The following ANK3 variants were observed in gnomAD, a reference collection of about 807,000 sequenced individuals.
The protein encoded by ANK3 is ankyrin-3.
A neutral mutation model predicts 370.9 loss-of-function variants in ANK3; 57 were observed. The observed-to-expected ratio is 0.15, with a 90% CI of 0.12 to 0.19. The LOEUF is 0.19. Among genes scored for constraint, ANK3 ranks in the 10% least tolerant of loss-of-function variants. ANK3 has a pLI of 1.00. For missense variants in ANK3, 4,439 were observed against 5,302.1 expected (o/e 0.84, Z 5.06); for synonymous variants, 1,929 against 1,946.3 (o/e 0.99, Z 0.23).
intron 2 of ANK3, among the ~76,000 whole-genome samples, chr10:60,399,064 C>A (rs530085130): frequency 6.6e-6 from 1 of 152,044 alleles, no homozygotes; most frequent in Admixed American, 6.6e-5. Flanking sequence ...TATGGGGTAT[C>A]GCCTATGTAT....
chr10:60,732,842 G>A (rs1476281807), intron 1 of ANK3, among the ~76,000 whole-genome samples: 2 of 151,992 alleles, frequency 1.3e-5, no homozygotes, highest in African/African-American at 2.4e-5. Flanking sequence ...CGTGTCCTTA[G>A]GAAAGGTTCA....
At chr10:60,441,308 G>C (rs1567043410) in intron 2 of ANK3, among the ~76,000 whole-genome samples, 1 of 152,090 alleles carries the variant, frequency 6.6e-6, no homozygotes, top group African/African-American at 2.4e-5. Flanking sequence ...GCAATTTCTT[G>C]AGATTTAGAA....
At chr10:60,610,918 TGTGGCTA>T (rs2078192426) in intron 2 of ANK3, among the ~76,000 whole-genome samples, 1 of 152,148 alleles carries the variant, frequency 6.6e-6, no homozygotes, top group Admixed American at 6.6e-5. Flanking sequence ...ATAAACAGCT[TGTGGCTA>T]TGCATCTTTC....
At chr10:60,042,813 A>G in intron 42 of ANK3, 54 bp from the exon 43 acceptor site, 1 of 1,461,866 alleles carries the variant, frequency 6.8e-7, no homozygotes. Context: ...GTTAGTTATA[A>G]AGCAGTCCAT....
At chr10:60,252,399 C>T (rs2097682469) in intron 7 of ANK3, among the ~76,000 whole-genome samples, 1 of 152,152 alleles carries the variant, frequency 6.6e-6, no homozygotes, top group Non-Finnish European at 1.5e-5. Flanking sequence ...GTTATTTTCA[C>T]TGAATGGGGG....
In ANK3 at chr10:60,098,557, C is replaced by G. The variant is rs569600420; in HGVS notation, c.3328+7348G>C. On this transcript the variant is annotated intron_variant, in intron 28 of 43. Transcript: ENST00000280772. The stretch of plus-strand genomic sequence containing the variant: ...TAAAGTTCAGCTCCATCAAAATACA[C>G]AAATTTCATAATAAGTTCACATAAG... Among the ~76,000 whole-genome samples the G allele has an allele frequency of 7.9e-5, 12 of 152,236 alleles. No homozygotes were observed. The South Asian group carries it at 2.3e-3, about 29-fold the overall frequency.
chr10:60,608,021 G>A (rs896883977), intron 2 of ANK3, among the ~76,000 whole-genome samples: 1 of 152,156 alleles, frequency 6.6e-6, no homozygotes, highest in African/African-American at 2.4e-5. Context: ...TTATCCAGAT[G>A]TATCAGCAGG....
At chr10:60,328,266 G>A (rs2050361093) in intron 1 of ANK3, among the ~76,000 whole-genome samples, 1 of 152,172 alleles carries the variant, frequency 6.6e-6, no homozygotes. Context: ...ATTGAATTAT[G>A]TAGGCTTATG....
chr10:60,605,537 G>C lies in ANK3; in HGVS notation c.96+9649C>G, dbSNP rs142227469. On this transcript the variant is annotated intron_variant, in intron 2 of 43. Coordinates refer to the ANK3 transcript ENST00000373827. The stretch of plus-strand genomic sequence containing the variant: ...ACTAGTTTTAGTTTCTCTATACTTA[G>C]TTATAGATTCTATCCATTAGTTACA... Among the ~76,000 whole-genome samples the C allele has an allele frequency of 2.6e-3, 395 of 152,294 alleles. 2 individuals are homozygous for C. Among genetic ancestry groups the C allele is most frequent in the African/African-American group, 8.9e-3 (371 of 41,578 alleles).
chr10:60,039,843 C>A (rs1564553171), intron 43 of ANK3, among the ~76,000 whole-genome samples: 1 of 152,036 alleles, frequency 6.6e-6, no homozygotes, highest in Non-Finnish European at 1.5e-5. Flanking sequence ...TGTTATTATT[C>A]TTTGTAAATA....
intron 25 of ANK3, among the ~76,000 whole-genome samples, chr10:60,121,245 C>T (rs1250714563): frequency 6.6e-6 from 1 of 151,980 alleles, no homozygotes; most frequent in African/African-American, 2.4e-5. Flanking sequence ...CATGTTCTCA[C>T]TGATTTGTGA....
chr10:60,522,009 T>C (rs996545510), intron 2 of ANK3, among the ~76,000 whole-genome samples: 3 of 152,118 alleles, frequency 2.0e-5, no homozygotes, highest in Non-Finnish European at 2.9e-5. Flanking sequence ...AAGAATACCT[T>C]GGGCAGAGAA....
Position 60,245,631 on chromosome 10 carries a change from T to G in ANK3, c.799-10845A>C, listed in dbSNP as rs971513583. Among the ~76,000 whole-genome samples, 7 of 152,332 alleles carry G rather than the reference T, an allele frequency of 4.6e-5. No homozygotes were observed. The Middle Eastern group carries it at 0.01, about 222-fold the overall frequency. On this transcript the variant is annotated intron_variant, in intron 7 of 43. Coordinates refer to ENST00000280772, the MANE Select transcript of ANK3 (RefSeq NM_020987.5). ...TCTTTTGTGACTGGCTTCTTTCACT[T>G]AGCATGTTTTCAAGGTTCATCCATA... is the stretch of plus-strand genomic sequence containing the variant.
chr10:60,072,797 A>G lies in ANK3; in HGVS notation c.8084T>C (p.Ile2695Thr), dbSNP rs910006620. The G allele has an allele frequency of 1.9e-6, 3 of 1,614,074 alleles. No homozygotes were observed. In the East Asian group the frequency reaches 6.7e-5, roughly 36 times the overall value. The change falls in exon 37 of 44, where the codon ATT (isoleucine) becomes ACT (threonine). Residue 2695 changes from isoleucine (I) to threonine (T), a missense_variant. Ile to Thr is a moderately conservative substitution (Grantham distance 89, BLOSUM62 -1). Transcript: ENST00000280772. ...CCCATCTGGTGCTTTGCTCTGTGAA[A>G]TACTTCCTTTGGCTTCCACTGTGGA... is the stretch of plus-strand genomic sequence containing the variant. Reference protein sequence around the residue: ...SKSTVEAKGSISQSKAPDGPQ... With the variant: ...SKSTVEAKGSTSQSKAPDGPQ...
chr10:60,723,909 G>A lies in ANK3; in HGVS notation c.57+9354C>T, dbSNP rs137877914. Reference sequence around the variant, plus strand: ...GAAACACAGGCAGCCTCTAGCAGTGGAATAAGGTAAAGAAATGGAGGCTGG... The same window carrying A: ...GAAACACAGGCAGCCTCTAGCAGTGAAATAAGGTAAAGAAATGGAGGCTGG... On this transcript the variant is annotated intron_variant, in intron 1 of 43. Transcript: ENST00000373827. Among the ~76,000 whole-genome samples the A allele has an allele frequency of 8.0e-4, 121 of 152,060 alleles. 4 individuals carry two copies. In the East Asian group the frequency reaches 0.016, roughly 20 times the overall value.
At chr10:60,454,522 TA>T (rs1400670849) in intron 2 of ANK3, among the ~76,000 whole-genome samples, 2 of 152,070 alleles carry the variant, frequency 1.3e-5, no homozygotes, top group Non-Finnish European at 2.9e-5. Flanking sequence ...GCACTTCCTT[TA>T]CAATAGGGAA....
At chr10:60,698,804 A>T (rs1361158211) in intron 1 of ANK3, among the ~76,000 whole-genome samples, 1 of 150,148 alleles carries the variant, frequency 6.7e-6, no homozygotes, top group Non-Finnish European at 1.5e-5. Flanking sequence ...CTAATGCTAG[A>T]TGACGAGCTA....
intron 30 of ANK3, 36 bp from the exon 31 acceptor site, chr10:60,085,289 T>C (rs1266742784): frequency 1.3e-6 from 2 of 1,512,350 alleles, no homozygotes; most frequent in Admixed American, 1.8e-5. Flanking sequence ...GACTTTATCA[T>C]GGGAGATGCT....
At chr10:60,237,555 G>A (rs902356025) in intron 7 of ANK3, among the ~76,000 whole-genome samples, 11 of 152,008 alleles carry the variant, frequency 7.2e-5, no homozygotes, top group Admixed American at 7.2e-4. Flanking sequence ...TCATACTGTG[G>A]ATGTGTAGAT....
Sources: allele counts gnomAD v4.1 joint callset (sites outside exome capture counted in the v4.1 genomes callset), GRCh38; gene constraint gnomAD v4.1.1; transcripts MANE v1.5; gene names NCBI Gene and HGNC (gene_info 2026-07-23, HGNC 2026-07-21).